Variants in CFAP47 observed in about 807,000 individuals in gnomAD.
CFAP47 encodes the protein cilia and flagella associated protein 47.
In CFAP47, 29 loss-of-function variants were observed where a neutral mutation model predicts 148.1. That is an observed-to-expected ratio of 0.20 (90% CI 0.15 to 0.27). The LOEUF is 0.27. CFAP47 is among the 10% of genes least tolerant of loss of function. The probability of loss-of-function intolerance (pLI) is 1.00; values close to 1 mark genes in which losing one functional copy is unlikely to be tolerated. For synonymous variants in CFAP47, 664 were observed against 577.3 expected (o/e 1.15, Z -2.15); for missense variants, 1,872 against 1,697.5 (o/e 1.10, Z -1.81).
chrX:36,084,928 C>T (rs1158418540), intron 29 of CFAP47, among the ~76,000 whole-genome samples: 4 of 111,031 alleles, frequency 3.6e-5, no homozygotes, highest in Non-Finnish European at 7.6e-5. Flanking sequence ...TATTACAGAC[C>T]TCATTATCTC....
chrX:36,230,222 C>G (rs1379540519), intron 46 of CFAP47, among the ~76,000 whole-genome samples: 1 of 100,864 alleles, frequency 9.9e-6, no homozygotes, highest in Non-Finnish European at 2.0e-5. Context: ...TTTACAGTCC[C>G]ACCAACAGTG....
chrX:36,212,110 ATCTC>A (rs1266375429), intron 45 of CFAP47, among the ~76,000 whole-genome samples: 1 of 112,322 alleles, frequency 8.9e-6, no homozygotes, highest in African/African-American at 3.2e-5. Flanking sequence ...TTAACTGAAT[ATCTC>A]TCTAATTGCA....
chrX:36,001,540 A>G, intron 20 of CFAP47, 73 bp from the exon 21 acceptor site: 1 of 278,262 alleles, frequency 3.6e-6, no homozygotes, highest in Non-Finnish European at 6.3e-6. Context: ...GCATCTTCAC[A>G]TAGCCCTGCA....
chrX:35,948,574 T>G, intron 4 of CFAP47, 122 bp downstream of exon 4: 4 of 559,353 alleles, frequency 7.2e-6, no homozygotes, highest in Non-Finnish European at 1.1e-5. Context: ...CGTTGTTCAT[T>G]GAGTCTCTAC....
chrX:36,194,469 G>A (rs185400886), intron 42 of CFAP47, among the ~76,000 whole-genome samples: 76 of 111,199 alleles, frequency 6.8e-4, no homozygotes, highest in African/African-American at 2.4e-3. Flanking sequence ...CCCAATTCTG[G>A]TACCAATTTT....
intron 45 of CFAP47, among the ~76,000 whole-genome samples, chrX:36,209,696 A>C (rs1254269017): frequency 2.7e-5 from 3 of 111,703 alleles, no homozygotes; most frequent in Non-Finnish European, 5.6e-5. Flanking sequence ...TCACACTCAG[A>C]TCTCTAATCC....
rs1936205147 is a variant in CFAP47 at position 35,953,852 on chromosome X, A to G, written c.1174+133A>G. On this transcript the variant is annotated intron_variant, in intron 7 of 63. Coordinates refer to ENST00000378653, the MANE Select transcript of CFAP47 (RefSeq NM_001304548.2). Reference sequence around the variant, plus strand: ...ATAGAAAAAAAAGCAAACATGTTCAAGAGACCTTAAAGTGTCATCTGTGGC... The same window carrying G: ...ATAGAAAAAAAAGCAAACATGTTCAGGAGACCTTAAAGTGTCATCTGTGGC... 3 of 421,304 alleles carry G rather than the reference A, an allele frequency of 7.1e-6. No individual in the cohort carries two copies. In the East Asian group the frequency reaches 1.3e-4, roughly 19 times the overall value. The allele number at this position is 421,304 out of a possible 1,213,427, so 34.7% of individuals were successfully genotyped here.
At chrX:36,260,162 G>A (rs1940800870) in intron 49 of CFAP47, among the ~76,000 whole-genome samples, 1 of 111,094 alleles carries the variant, frequency 9.0e-6, no homozygotes, top group Admixed American at 9.6e-5. Context: ...CCATGTCTTT[G>A]TTATTGTGAA....
intron 39 of CFAP47, among the ~76,000 whole-genome samples, chrX:36,175,819 G>C (rs1939666924): frequency 8.8e-6 from 1 of 113,595 alleles, no homozygotes; most frequent in Non-Finnish European, 1.9e-5. Context: ...GAGCTGTGGT[G>C]GGCTCCACCC....
chrX:36,037,531 A>G (rs1335555348), intron 24 of CFAP47, among the ~76,000 whole-genome samples: 1 of 111,228 alleles, frequency 9.0e-6, no homozygotes, highest in Non-Finnish European at 1.9e-5. Context: ...CCTGGCTAAT[A>G]CAACCTAACT....
chrX:36,219,096 A>G (rs1940187999), intron 45 of CFAP47, among the ~76,000 whole-genome samples: 1 of 111,724 alleles, frequency 9.0e-6, no homozygotes, highest in African/African-American at 3.3e-5. Flanking sequence ...TCTCTCCTGG[A>G]TCAGGAAAGG....
intron 37 of CFAP47, among the ~76,000 whole-genome samples, chrX:36,158,022 G>C (rs1376792284): frequency 9.0e-6 from 1 of 111,498 alleles, no homozygotes; most frequent in Non-Finnish European, 1.9e-5. Flanking sequence ...GTTGTGAGCT[G>C]TAATTTTCCC....
At chrX:36,314,071 A>T (rs1423076871) in intron 56 of CFAP47, among the ~76,000 whole-genome samples, 2 of 111,597 alleles carry the variant, frequency 1.8e-5, no homozygotes, top group African/African-American at 6.5e-5. Flanking sequence ...AGATCTTTGG[A>T]ATATCAAAAG....
intron 2 of CFAP47, among the ~76,000 whole-genome samples, chrX:35,930,035 T>C (rs1045695021): frequency 9.2e-6 from 1 of 109,113 alleles, no homozygotes; most frequent in Non-Finnish European, 1.9e-5. Context: ...AAAAAAACAG[T>C]GAGACATCCT....
rs578215222 is a variant in CFAP47, at chrX:35,997,738, A to G, written c.3177+349A>G. On this transcript the variant is annotated intron_variant, in intron 19 of 63. Transcript: ENST00000378653. ...AATATGAATGCTTTCATTGTTGATTATTTAGTTTGTTTGTTTTTGAGCTTT... is the reference window on the plus strand; with the variant it reads ...AATATGAATGCTTTCATTGTTGATTGTTTAGTTTGTTTGTTTTTGAGCTTT... Among the ~76,000 whole-genome samples the G allele has an allele frequency of 9.0e-5, 10 of 111,037 alleles. No individual in the cohort carries two copies. In the South Asian group the frequency reaches 3.4e-3, roughly 38 times the overall value.
chrX:36,107,415 G>A (rs753543588), intron 33 of CFAP47, among the ~76,000 whole-genome samples: 5 of 112,028 alleles, frequency 4.5e-5, no homozygotes, highest in South Asian at 3.7e-4. Context: ...TGTAAGCTCC[G>A]CACCAAGCTT....
intron 43 of CFAP47, among the ~76,000 whole-genome samples, chrX:36,201,021 T>C (rs1939974905): frequency 9.0e-6 from 1 of 111,137 alleles, no homozygotes; most frequent in African/African-American, 3.3e-5. Flanking sequence ...TTTGAGCATG[T>C]TGATGACGTT....
rs772321401 is a variant in CFAP47, at chrX:36,068,494, T to A, written c.4318+2751T>A. ...ATCATAAACCATCAGGAAGGCATCT[T>A]TTAGCTATATATTTTCATAAAAGAA... On this transcript the variant is annotated intron_variant, in intron 27 of 63. Transcript: ENST00000378653. Among the ~76,000 whole-genome samples, 5 of 111,861 alleles carry A rather than the reference T, an allele frequency of 4.5e-5. No homozygotes were observed. In the East Asian group the frequency reaches 1.1e-3, roughly 25 times the overall value.
chrX:36,038,058 G>A (rs904178644), intron 24 of CFAP47, among the ~76,000 whole-genome samples: 7 of 111,502 alleles, frequency 6.3e-5, no homozygotes, highest in Non-Finnish European at 7.5e-5. Flanking sequence ...ATCAGGTAAA[G>A]GGCTTATTTG....
Sources: allele counts gnomAD v4.1 joint callset (sites outside exome capture counted in the v4.1 genomes callset), GRCh38; gene constraint gnomAD v4.1.1; transcripts MANE v1.5; gene names NCBI Gene and HGNC (gene_info 2026-07-23, HGNC 2026-07-21).